PCDH11Y: variants seen among roughly 807,000 people sequenced by gnomAD.
PCDH11Y encodes the protein protocadherin-11 Y-linked.
For synonymous variants in PCDH11Y, 9 were observed against 83.6 expected (o/e 0.11, Z 4.87); for missense variants, 12 against 224.8 (o/e 0.05, Z 6.05).
chrY:5,029,521 G>A (rs2052585283), intron 1 of PCDH11Y, among the ~76,000 whole-genome samples: 1 of 32,683 alleles, frequency 3.1e-5, no homozygotes, highest in African/African-American at 1.2e-4. Flanking sequence ...AGATTTTCTG[G>A]TCAAAATAAT....
At chrY:5,484,455 G>A in intron 2 of PCDH11Y, among the ~76,000 whole-genome samples, 2 of 32,861 alleles carry the variant, frequency 6.1e-5, no homozygotes. Context: ...CCATAAATGA[G>A]TATTCATTAA....
chrY:5,418,645 G>T (rs2053255354), intron 2 of PCDH11Y, among the ~76,000 whole-genome samples: 3 of 32,861 alleles, frequency 9.1e-5, no homozygotes, highest in Non-Finnish European at 1.5e-4. Context: ...AGATTTACCA[G>T]AACTTATAAA....
At chrY:5,350,609 G>A in intron 2 of PCDH11Y, among the ~76,000 whole-genome samples, 1 of 32,279 alleles carries the variant, frequency 3.1e-5, no homozygotes, top group Admixed American at 2.9e-4. Flanking sequence ...GGGAGGCTGA[G>A]GCAGAAGAAT....
At chrY:5,592,917 C>T in intron 4 of PCDH11Y, among the ~76,000 whole-genome samples, 1 of 28,185 alleles carries the variant, frequency 3.5e-5, no homozygotes, top group Non-Finnish European at 8.3e-5. Flanking sequence ...TTTAGGTGAC[C>T]TGACTCTTCT....
chrY:5,572,206 A>T (rs1602944810), intron 3 of PCDH11Y, among the ~76,000 whole-genome samples: 1 of 31,270 alleles, frequency 3.2e-5, no homozygotes, highest in Admixed American at 2.9e-4. Flanking sequence ...TTTATGGCTG[A>T]ATGATAACCC....
At chrY:5,353,152 G>A in intron 2 of PCDH11Y, among the ~76,000 whole-genome samples, 3 of 30,396 alleles carry the variant, frequency 9.9e-5, no homozygotes, top group African/African-American at 3.9e-4. Flanking sequence ...ACAGGTGTGC[G>A]CCACCACGCC....
intron 2 of PCDH11Y, among the ~76,000 whole-genome samples, chrY:5,486,031 A>G (rs2053331002): frequency 1.1e-4 from 3 of 27,149 alleles, no homozygotes; most frequent in African/African-American, 4.3e-4. Context: ...TAGCATAGTA[A>G]TAGTCAGGAA....
At chrY:5,348,374 CAG>C (rs2053154480) in intron 2 of PCDH11Y, among the ~76,000 whole-genome samples, 1 of 32,975 alleles carries the variant, frequency 3.0e-5, no homozygotes, top group African/African-American at 1.2e-4. Context: ...TCAGAATAGA[CAG>C]AATGATATTC....
intron 2 of PCDH11Y, among the ~76,000 whole-genome samples, chrY:5,197,290 G>T: frequency 3.1e-5 from 1 of 32,165 alleles, no homozygotes; most frequent in Non-Finnish European, 7.5e-5. Context: ...GATGGTTGTA[G>T]ATATGCGGCG....
At chrY:5,711,706 C>T (rs2053586758) in intron 4 of PCDH11Y, among the ~76,000 whole-genome samples, 1 of 32,601 alleles carries the variant, frequency 3.1e-5, no homozygotes, top group Non-Finnish European at 7.5e-5. Flanking sequence ...AGGAGAATCG[C>T]TTGAACCGGG....
intron 3 of PCDH11Y, among the ~76,000 whole-genome samples, chrY:5,512,520 G>A: frequency 3.2e-5 from 1 of 31,158 alleles, no homozygotes; most frequent in South Asian, 7.7e-4. Context: ...TTCTCACACA[G>A]CACTTTTCAG....
At chrY:5,108,726 G>A (rs2052799460), downstream of PCDH11Y, among the ~76,000 whole-genome samples, 4 of 16,798 alleles carry the variant, frequency 2.4e-4, no homozygotes, top group Non-Finnish European at 4.7e-4. Context: ...CAGCCTGGGC[G>A]ACAGAGCTAG....
chrY:5,367,270 AT>A (rs2053181295), intron 2 of PCDH11Y, among the ~76,000 whole-genome samples: 2 of 23,743 alleles, frequency 8.4e-5, no homozygotes, highest in Non-Finnish European at 1.9e-4. Context: ...GGTAACTTGT[AT>A]TTTTTTCTGC....
At chrY:5,462,614 C>A in intron 2 of PCDH11Y, among the ~76,000 whole-genome samples, 1 of 31,123 alleles carries the variant, frequency 3.2e-5, no homozygotes, top group Admixed American at 3.1e-4. Context: ...AGAAATCAAA[C>A]ATCAAAATTA....
intron 2 of PCDH11Y, among the ~76,000 whole-genome samples, chrY:5,315,188 C>A: frequency 3.1e-5 from 1 of 32,385 alleles, no homozygotes; most frequent in South Asian, 7.0e-4. Context: ...GGAGGCTAGG[C>A]CTTCAGGTTT....
At chrY:5,618,254 G>A (rs1602952310) in intron 4 of PCDH11Y, among the ~76,000 whole-genome samples, 1 of 34,763 alleles carries the variant, frequency 2.9e-5, no homozygotes, top group African/African-American at 1.1e-4. Flanking sequence ...AAAGAAATCC[G>A]CAGACAGTTT....
chrY:5,616,329 A>T, intron 4 of PCDH11Y, among the ~76,000 whole-genome samples: 1 of 33,498 alleles, frequency 3.0e-5, no homozygotes, highest in African/African-American at 1.2e-4. Flanking sequence ...GCAAGTGGAG[A>T]TTTATAGCCA....
intron 2 of PCDH11Y, chrY:5,114,482 AT>A (rs761808965): frequency 2.3e-4 from 7 of 29,898 alleles, no homozygotes; most frequent in African/African-American, 5.7e-4. Context: ...ACAAGAACAC[AT>A]TTTTTTTTTT....
intron 2 of PCDH11Y, among the ~76,000 whole-genome samples, chrY:5,206,545 T>A: frequency 6.8e-5 from 2 of 29,496 alleles, no homozygotes; most frequent in African/African-American, 2.7e-4. Flanking sequence ...CACCATGTGA[T>A]TACAATCACA....
Sources: gnomAD v4.1 joint callset for allele counts (sites outside exome capture counted in the v4.1 genomes callset) on GRCh38, gnomAD v4.1.1 for gene constraint, MANE v1.5 for transcripts, NCBI Gene and HGNC (gene_info 2026-07-23, HGNC 2026-07-21) for gene names.